The following AGFG1 variants were observed in gnomAD, a reference collection of about 807,000 sequenced individuals.
The protein encoded by AGFG1 is arf-GAP domain and FG repeat-containing protein 1.
In AGFG1, 10 loss-of-function variants were observed where a neutral mutation model predicts 60.6. The ratio of observed to expected loss-of-function variants is 0.16; its 90% CI spans 0.10 to 0.28. The LOEUF is 0.28. Ranked by LOEUF, AGFG1 falls within the 10% of genes least tolerant of loss-of-function variation. The probability of loss-of-function intolerance (pLI) is 1.00; values close to 1 mark genes in which losing one functional copy is unlikely to be tolerated. For synonymous variants in AGFG1, 247 were observed against 242.9 expected (o/e 1.02, Z -0.16); for missense variants, 537 against 676.5 (o/e 0.79, Z 2.29).
At chr2:227,489,253 C>T (rs1418768724) in intron 1 of AGFG1, among the ~76,000 whole-genome samples, 28 of 94,682 alleles carry the variant, frequency 3.0e-4, no homozygotes, top group African/African-American at 1.2e-3. Context: ...TTTTTTGAGA[C>T]GGAGTCTCAG....
In AGFG1 at chr2:227,556,126, T is replaced by C. The variant is rs1048596099; in HGVS notation, c.*1631T>C. 6.6e-6 allele frequency: 1 copy of C among 152,238 alleles called. No individual in the cohort carries two copies. Among genetic ancestry groups the C allele is most frequent in the African/African-American group, 2.4e-5 (1 of 41,466 alleles). 9.4% of individuals were successfully genotyped at this position (152,238 alleles called of 1,614,324 possible). Reference sequence around the variant, plus strand: ...AAAGGTGAAATTGCATACACAGATATGTAGTACATATTTTAAAAGTTTTAT... The same window carrying C: ...AAAGGTGAAATTGCATACACAGATACGTAGTACATATTTTAAAAGTTTTAT... On this transcript the variant is annotated 3_prime_UTR_variant, in exon 13 of 13. Transcript: ENST00000310078.
In AGFG1 at chr2:227,536,659, G is replaced by T; in HGVS notation, c.1240G>T (p.Ala414Ser). 1 of 1,613,470 alleles carries T rather than the reference G, an allele frequency of 6.2e-7. No homozygotes were observed. Among genetic ancestry groups the T allele is most frequent in the Non-Finnish European group, 8.5e-7 (1 of 1,179,784 alleles). Residue 414 changes from alanine to serine, a missense_variant, in exon 9 of 13, where the codon GCA (alanine) becomes TCA (serine). This residue lies in a region of AGFG1 where 287 missense variants were observed against 343.6 expected (regional missense o/e 0.84). Transcript: ENST00000310078. ...TGGAACAGTGCCAGTGGTTGCTTCT[G>T]CACAGACACAGCCTGCTTCATCAAG... ...VFGTVPVVAS[A>S]QTQPASSSVP...
At chr2:227,493,885 T>G (rs1559171682) in intron 2 of AGFG1, among the ~76,000 whole-genome samples, 1 of 152,186 alleles carries the variant, frequency 6.6e-6, no homozygotes, top group Non-Finnish European at 1.5e-5. Context: ...AAGGAGAGGA[T>G]TGGGAAGACC....
chr2:227,558,837 T>G lies in AGFG1; in HGVS notation c.*4342T>G, dbSNP rs1234570765. 6.6e-6 allele frequency: 1 copy of G among 152,184 alleles called. No individual in the cohort carries two copies. Among genetic ancestry groups the G allele is most frequent in the Non-Finnish European group, 1.5e-5 (1 of 68,020 alleles). 9.4% of individuals were successfully genotyped at this position (152,184 alleles called of 1,614,324 possible). On this transcript the variant is annotated 3_prime_UTR_variant, in exon 13 of 13. Transcript: ENST00000310078. ...CCAATCTGATGTCATTAAATGCAGT[T>G]TGATGAAAGAGATAGCCAACCAGTG...
intron 2 of AGFG1, among the ~76,000 whole-genome samples, chr2:227,504,235 C>T (rs1204693619): frequency 2.0e-5 from 3 of 151,230 alleles, no homozygotes; most frequent in South Asian, 2.1e-4. Flanking sequence ...CCGTCACTCC[C>T]GGGCTGGAGT....
At chr2:227,533,978 C>T (rs554783905) in intron 7 of AGFG1, among the ~76,000 whole-genome samples, 31 of 152,232 alleles carry the variant, frequency 2.0e-4, no homozygotes, top group African/African-American at 7.2e-4. Flanking sequence ...AACTTTCAGT[C>T]TTACTAGTTG....
chr2:227,550,545 G>A (rs7424411), intron 10 of AGFG1, among the ~76,000 whole-genome samples: 1 of 152,130 alleles, frequency 6.6e-6, no homozygotes, highest in South Asian at 2.1e-4. Flanking sequence ...CGTCTGTTAT[G>A]AAGCCCTCCT....
intron 6 of AGFG1, chr2:227,532,209 A>C: frequency 6.5e-7 from 1 of 1,544,804 alleles, no homozygotes; most frequent in East Asian, 2.5e-5. Context: ...GGCTACCCAC[A>C]GTAAGTTCTG....
intron 8 of AGFG1, 88 bp downstream of exon 8, chr2:227,535,113 G>A (rs1237726083): frequency 7.7e-7 from 1 of 1,300,432 alleles, no homozygotes; most frequent in Non-Finnish European, 1.0e-6. Flanking sequence ...CTGTTTCAAG[G>A]TATAATTTTA....
intron 1 of AGFG1, among the ~76,000 whole-genome samples, chr2:227,474,183 AGTTGTTACTTAC>A (rs1334683727): frequency 6.6e-6 from 1 of 152,338 alleles, no homozygotes; most frequent in East Asian, 1.9e-4. Flanking sequence ...TAAGCTAGAA[AGTTGTTACTTAC>A]GTTGGACAAT....
At chr2:227,485,387 C>T (rs1199843575) in intron 1 of AGFG1, among the ~76,000 whole-genome samples, 2 of 148,502 alleles carry the variant, frequency 1.3e-5, no homozygotes, top group African/African-American at 5.0e-5. Flanking sequence ...CAGGCACCCG[C>T]CACCATGCCC....
chr2:227,543,987 A>C (rs11898144), intron 10 of AGFG1, among the ~76,000 whole-genome samples: 90,681 of 151,768 alleles, frequency 0.6, 27,184 homozygotes, highest in South Asian at 0.69. Flanking sequence ...ATCAGAGACT[A>C]GGATTGCAAC....
At chr2:227,500,015 A>G (rs111972470) in intron 2 of AGFG1, among the ~76,000 whole-genome samples, 107 of 152,350 alleles carry the variant, frequency 7.0e-4, no homozygotes, top group African/African-American at 2.3e-3. Context: ...CTGCAGGACA[A>G]GAAGCCTGTT....
At chr2:227,545,227 C>T (rs1355966350) in intron 10 of AGFG1, among the ~76,000 whole-genome samples, 1 of 152,132 alleles carries the variant, frequency 6.6e-6, no homozygotes, top group Non-Finnish European at 1.5e-5. Flanking sequence ...GTCACTGGTA[C>T]CCTTTCTTCC....
chr2:227,550,077 A>G (rs1456331927), intron 10 of AGFG1: 1 of 448,354 alleles, frequency 2.2e-6, no homozygotes, highest in Non-Finnish European at 4.6e-6. Flanking sequence ...GGAGCAATGC[A>G]TTCTCAAGTG....
chr2:227,508,528 A>G (rs897177977), intron 2 of AGFG1: 8 of 440,568 alleles, frequency 1.8e-5, no homozygotes, highest in Admixed American at 8.5e-5. Context: ...TTCTGTGTGT[A>G]CATCTATATG....
intron 2 of AGFG1, among the ~76,000 whole-genome samples, chr2:227,505,138 GCCA>G (rs1691271963): frequency 1.3e-5 from 2 of 152,114 alleles, no homozygotes; most frequent in South Asian, 4.1e-4. Context: ...TCTTGATTAT[GCCA>G]CCATTATGTA....
intron 11 of AGFG1, among the ~76,000 whole-genome samples, chr2:227,552,781 C>T (rs1278140520): frequency 2.0e-5 from 3 of 150,568 alleles, no homozygotes; most frequent in Admixed American, 2.0e-4. Flanking sequence ...GTGGGCGGAT[C>T]ATCTGAGCTC....
intron 1 of AGFG1, 144 bp from the exon 2 acceptor site, chr2:227,491,398 TTAAAA>T (rs1358040869): frequency 4.1e-6 from 2 of 483,406 alleles, no homozygotes; most frequent in African/African-American, 2.0e-5. Flanking sequence ...GTTTAATAGT[TTAAAA>T]TAATTTAAAA....
Sources: gnomAD v4.1 joint callset for allele counts (sites outside exome capture counted in the v4.1 genomes callset) on GRCh38, gnomAD v4.1.1 for gene constraint, gnomAD v4.1.1 regional missense constraint, MANE v1.5 for transcripts, NCBI Gene and HGNC (gene_info 2026-07-23, HGNC 2026-07-21) for gene names.